The following AHDC1 variants were observed in gnomAD, a reference collection of about 807,000 sequenced individuals.
AHDC1 encodes the protein transcription factor Gibbin.
In AHDC1, 7 loss-of-function variants were observed where a neutral mutation model predicts 87.9. That is an observed-to-expected ratio of 0.08 (90% CI 0.05 to 0.15). The LOEUF is 0.15. AHDC1 is among the 10% of genes least tolerant of loss of function. AHDC1 has a pLI of 1.00. For missense variants in AHDC1, 1,841 were observed against 2,253.2 expected, an observed-to-expected ratio of 0.82 and a Z score of 3.70; for synonymous variants, 1,051 against 1,006.8, an observed-to-expected ratio of 1.04 and a Z score of -0.83.
At chr1:27,579,513 T>C (rs897908991) in intron 3 of AHDC1, among the ~76,000 whole-genome samples, 2 of 152,168 alleles carry the variant, frequency 1.3e-5, no homozygotes, top group Non-Finnish European at 2.9e-5. Flanking sequence ...CCAGCAAGAG[T>C]GTGACTATAG....
intron 3 of AHDC1, among the ~76,000 whole-genome samples, chr1:27,567,270 C>T (rs1157425953): frequency 3.3e-5 from 5 of 152,198 alleles, no homozygotes; most frequent in African/African-American, 7.2e-5. Flanking sequence ...CCAGGCCTAC[C>T]GGGCTCCAGT....
At chr1:27,564,389 G>A (rs748169563) in intron 3 of AHDC1, among the ~76,000 whole-genome samples, 5 of 152,238 alleles carry the variant, frequency 3.3e-5, no homozygotes, top group South Asian at 2.1e-4. Flanking sequence ...GCTCCAGCCC[G>A]CCTCCCCTGC....
At chr1:27,541,249 T>C (rs1397294306) in intron 8 of AHDC1, among the ~76,000 whole-genome samples, 1 of 152,238 alleles carries the variant, frequency 6.6e-6, no homozygotes, top group African/African-American at 2.4e-5. Context: ...GGGTGGTCCC[T>C]GTTCCTTCTC....
chr1:27,547,264 G>A lies in AHDC1; in HGVS notation c.*40C>T, dbSNP rs748068554. 22 of 1,510,158 alleles carry A rather than the reference G, an allele frequency of 1.5e-5. No individual in the cohort carries two copies. Among genetic ancestry groups the A allele is most frequent in the Non-Finnish European group, 1.7e-5 (19 of 1,130,226 alleles). The allele number at this position is 1,510,158 out of a possible 1,614,324, so 93.5% of individuals were successfully genotyped here. On this transcript the variant is annotated 3_prime_UTR_variant, in exon 8 of 9. Transcript: ENST00000673934. The surrounding 1 kb of genome is among the most constrained non-coding windows in gnomAD (Gnocchi z 4.9). ...GCGCCCACATCCCCAGACTCACCCA[G>A]GAACAAAACCTCGCGGTCCAGTCGG...
At chr1:27,538,702 A>T (rs1468927390) in intron 8 of AHDC1, among the ~76,000 whole-genome samples, 3 of 152,072 alleles carry the variant, frequency 2.0e-5, no homozygotes, top group Non-Finnish European at 4.4e-5. Context: ...TTTTGAAAAG[A>T]CAAGGTTCCA....
At chr1:27,573,227 A>G (rs1246024350) in intron 3 of AHDC1, among the ~76,000 whole-genome samples, 1 of 152,232 alleles carries the variant, frequency 6.6e-6, no homozygotes, top group East Asian at 1.9e-4. Context: ...ACAGGCTTGG[A>G]GCCTGTCAGA....
At chr1:27,554,798 C>A (rs2019746215) in intron 5 of AHDC1, among the ~76,000 whole-genome samples, 2 of 152,210 alleles carry the variant, frequency 1.3e-5, no homozygotes, top group Non-Finnish European at 2.9e-5. Context: ...GACTCGGGGA[C>A]AGGATAAAGT....
At chr1:27,579,118 CA>C (rs2088838808) in intron 3 of AHDC1, among the ~76,000 whole-genome samples, 1 of 150,932 alleles carries the variant, frequency 6.6e-6, no homozygotes, top group Non-Finnish European at 1.5e-5. Context: ...AATCACAGCT[CA>C]CTGCAGCCTC....
At chr1:27,584,932 G>A (rs1189520140) in intron 3 of AHDC1, among the ~76,000 whole-genome samples, 1 of 152,038 alleles carries the variant, frequency 6.6e-6, no homozygotes, top group Non-Finnish European at 1.5e-5. Context: ...CAGCACTTTG[G>A]GAGGCCGAGG....
intron 8 of AHDC1, among the ~76,000 whole-genome samples, chr1:27,535,339 G>C (rs1399950062): frequency 1.3e-5 from 2 of 152,200 alleles, no homozygotes; most frequent in Non-Finnish European, 2.9e-5. Flanking sequence ...TACCCCATTG[G>C]TTTGCTGGGA....
At position 27,595,318 on chromosome 1, in the gene AHDC1, T is replaced by G. The variant is rs1000265788; in HGVS notation, c.-629+8079A>C. ...AACGTTGGGGGCTGTGGGCAGAGTGTGTGTGTCTGGGGAGGTGTCAGGGCT... is the reference window on the plus strand; with the variant it reads ...AACGTTGGGGGCTGTGGGCAGAGTGGGTGTGTCTGGGGAGGTGTCAGGGCT... On this transcript the variant is annotated intron_variant, in intron 3 of 8. Coordinates refer to ENST00000673934, the MANE Select transcript of AHDC1 (RefSeq NM_001371928.1). This position sits in a 1 kb window ranked among gnomAD's most constrained non-coding sequence, Gnocchi z 4.0. Among the ~76,000 whole-genome samples, 2 of 151,536 alleles carry G rather than the reference T, an allele frequency of 1.3e-5. No homozygotes were observed. The highest frequency in any genetic ancestry group is 2.4e-5 in the African/African-American group (1 of 41,126).
intron 8 of AHDC1, among the ~76,000 whole-genome samples, chr1:27,541,212 GCCT>G (rs2018901261): frequency 6.6e-6 from 1 of 152,158 alleles, no homozygotes; most frequent in African/African-American, 2.4e-5. Flanking sequence ...ATCTCCTGCT[GCCT>G]GCCCTGCTCA....
chr1:27,573,432 C>T lies in AHDC1; in HGVS notation c.-628-14549G>A, dbSNP rs2088607262. The stretch of plus-strand genomic sequence containing the variant: ...CACTGGGGAGTAGGGTACAGTTAGC[C>T]CAGAAAGGCTTTTCTGAGGCAGAGG... On this transcript the variant is annotated intron_variant, in intron 3 of 8. Coordinates refer to ENST00000673934, the MANE Select transcript of AHDC1 (RefSeq NM_001371928.1). Among the ~76,000 whole-genome samples the T allele has an allele frequency of 3.3e-5, 5 of 152,106 alleles. No individual in the cohort carries two copies. In the South Asian group the frequency reaches 6.2e-4, roughly 19 times the overall value.
chr1:27,593,934 G>A lies in AHDC1; in HGVS notation c.-629+9463C>T, dbSNP rs573217901. Among the ~76,000 whole-genome samples, 1 of 152,318 alleles carries A rather than the reference G, an allele frequency of 6.6e-6. No individual in the cohort carries two copies. Among genetic ancestry groups the A allele is most frequent in the South Asian group, 2.1e-4 (1 of 4,826 alleles). ...TTCTTCTTTAGGGTCTTGGGGATCA[G>A]TGGAGCCCTTCTGTGAGCCTTCCCT... On this transcript the variant is annotated intron_variant, in intron 3 of 8. Coordinates refer to ENST00000673934, the MANE Select transcript of AHDC1 (RefSeq NM_001371928.1). The surrounding 1 kb of genome is among the most constrained non-coding windows in gnomAD (Gnocchi z 4.9).
At position 27,551,387 on chromosome 1, in the gene AHDC1, G is replaced by A. The variant is rs147081238; in HGVS notation, c.729C>T (p.Asp243=). The change falls in exon 8 of 9, where the codon GAC becomes GAT. Residue 243 remains aspartate, a synonymous_variant. Transcript: ENST00000673934. ...TGAGGGAGGCCAGCTCACTAAGGATGTCGGCGTCAGCAAGTTCTGAGTAAT... is the reference window on the plus strand; with the variant it reads ...TGAGGGAGGCCAGCTCACTAAGGATATCGGCGTCAGCAAGTTCTGAGTAAT... The part of the protein sequence containing the change: ...STDYSELADA[D]ILSELASLTC... The A allele has an allele frequency of 1.1e-5, 18 of 1,613,646 alleles. No homozygotes were observed. The African/African-American group carries it at 2.1e-4, about 19-fold the overall frequency.
At position 27,554,023 on chromosome 1, in the gene AHDC1, C is replaced by T. The variant is rs143973315; in HGVS notation, c.-224-838G>A. 5.1e-4 allele frequency among the ~76,000 whole-genome samples: 78 copies of T among 152,264 alleles called. 1 individual carries two copies. The East Asian group carries it at 0.013, about 24-fold the overall frequency. Reference sequence around the variant, plus strand: ...GAGGCTGGCTGCTCTGAGCTATGATCGTGCCATTGTTCTCCAGCCTGGGCA... The same window carrying T: ...GAGGCTGGCTGCTCTGAGCTATGATTGTGCCATTGTTCTCCAGCCTGGGCA... On this transcript the variant is annotated intron_variant, in intron 5 of 8. Coordinates refer to ENST00000673934, the MANE Select transcript of AHDC1 (RefSeq NM_001371928.1).
chr1:27,600,749 C>T (rs1200445206), intron 3 of AHDC1, among the ~76,000 whole-genome samples: 1 of 152,152 alleles, frequency 6.6e-6, no homozygotes. Context: ...GGTGGAGACC[C>T]CATCTTTTAA....
At chr1:27,570,310 C>CAT (rs1557686789) in intron 3 of AHDC1, among the ~76,000 whole-genome samples, 1 of 152,032 alleles carries the variant, frequency 6.6e-6, no homozygotes, top group East Asian at 1.9e-4. Flanking sequence ...CAGCTTCCCA[C>CAT]ACCCCTCCAG....
chr1:27,574,852 C>A (rs1417095870), intron 3 of AHDC1, among the ~76,000 whole-genome samples: 1 of 152,202 alleles, frequency 6.6e-6, no homozygotes, highest in African/African-American at 2.4e-5. Flanking sequence ...GGTCACATAC[C>A]TACTCCTGGA....
Sources: allele counts gnomAD v4.1 joint callset (sites outside exome capture counted in the v4.1 genomes callset), GRCh38; gene constraint gnomAD v4.1.1; non-coding constraint Gnocchi (gnomAD v3.1); transcripts MANE v1.5; gene names NCBI Gene and HGNC (gene_info 2026-07-23, HGNC 2026-07-21).